The following RBFOX3 variants were observed in gnomAD, a reference collection of about 807,000 sequenced individuals.
RBFOX3 encodes the protein RNA binding fox-1 homolog 3.
Under a neutral mutation model 48.7 loss-of-function variants are expected in RBFOX3, and 17 were observed. The ratio of observed to expected loss-of-function variants is 0.35; its 90% CI spans 0.24 to 0.52. The LOEUF is 0.52. Among genes scored for constraint, RBFOX3 ranks in the 20% least tolerant of loss-of-function variants. RBFOX3 has a pLI of 0.94. For missense variants in RBFOX3, 382 were observed against 497.5 expected (o/e 0.77, Z 2.21); for synonymous variants, 212 against 209.5 (o/e 1.01, Z -0.10).
the RBFOX3 span, among the ~76,000 whole-genome samples, chr17:79,642,037 G>A: frequency 2.6e-5 from 4 of 152,034 alleles, no homozygotes; most frequent in African/African-American, 9.7e-5. Context: ...GAGTTACCCA[G>A]TCTCAGGAAT....
chr17:79,488,709 C>T (rs758953763), intron 1 of RBFOX3, among the ~76,000 whole-genome samples: 6 of 152,254 alleles, frequency 3.9e-5, no homozygotes, highest in Non-Finnish European at 8.8e-5. Flanking sequence ...GGTACACTAG[C>T]AACCCCATCC....
rs1320213164 is a variant in RBFOX3 at position 79,455,248 on chromosome 17, C to T, written c.-175+27206G>A. ...GCAGCCACAAAAGGATCCAAAGACG[C>T]GCAGGCTACCGTGACGGGGGAGCGG... On this transcript the variant is annotated intron_variant, in intron 2 of 14. Coordinates refer to ENST00000693108, the MANE Select transcript of RBFOX3 (RefSeq NM_001350451.2). Among the ~76,000 whole-genome samples the T allele has an allele frequency of 5.3e-5, 8 of 152,172 alleles. No homozygotes were observed. In the East Asian group the frequency reaches 5.8e-4, roughly 11 times the overall value.
At chr17:79,652,582 GAGA>G in the RBFOX3 span, among the ~76,000 whole-genome samples, 1 of 136,668 alleles carries the variant, frequency 7.3e-6, no homozygotes, top group African/African-American at 2.8e-5. Flanking sequence ...GAAAGGAGAG[GAGA>G]GGAGAGGAGA....
the RBFOX3 span, among the ~76,000 whole-genome samples, chr17:79,653,883 CAAAAA>C: frequency 3.0e-5 from 2 of 66,566 alleles, no homozygotes; most frequent in Non-Finnish European, 3.4e-5. Context: ...TCTCTACCAC[CAAAAA>C]AAAAAAAAAA....
In RBFOX3 at chr17:79,328,684, A is replaced by C. The variant is rs553709243; in HGVS notation, c.-174-20860T>G. Reference sequence around the variant, plus strand: ...CTCATGTTCCCAGGCTTTGAGACCCAAGCAAACTGCTGGCAACAGAGCGAT... The same window carrying C: ...CTCATGTTCCCAGGCTTTGAGACCCCAGCAAACTGCTGGCAACAGAGCGAT... On this transcript the variant is annotated intron_variant, in intron 2 of 14. Transcript: ENST00000693108. 2.0e-5 allele frequency among the ~76,000 whole-genome samples: 3 copies of C among 152,254 alleles called. No homozygotes were observed. The South Asian group carries it at 6.2e-4, about 32-fold the overall frequency.
chr17:79,234,148 C>G (rs1171864550), intron 4 of RBFOX3: 5 of 152,258 alleles, frequency 3.3e-5, no homozygotes, highest in Non-Finnish European at 5.9e-5. Context: ...GTACGGGGGA[C>G]CCTGTTACAC....
intron 4 of RBFOX3, among the ~76,000 whole-genome samples, chr17:79,172,293 CA>C (rs1349960211): frequency 2.0e-5 from 3 of 151,520 alleles, no homozygotes; most frequent in African/African-American, 7.3e-5. Context: ...CATTTCAACA[CA>C]AAAAGTAAAC....
chr17:79,175,770 G>T (rs2050394266), intron 4 of RBFOX3, among the ~76,000 whole-genome samples: 1 of 152,260 alleles, frequency 6.6e-6, no homozygotes, highest in African/African-American at 2.4e-5. Flanking sequence ...AGAAAGCCTG[G>T]ATTGGTGGTG....
rs548490104 is a variant in RBFOX3 at position 79,161,587 on chromosome 17, G to A, written c.-33-45839C>T. The stretch of plus-strand genomic sequence containing the variant: ...TTGCTCTTCCGGTTATGGCTCTTCC[G>A]TTTTTTTTTTGTGTGTGTGTTTTTT... On this transcript the variant is annotated intron_variant, in intron 4 of 14. Coordinates refer to ENST00000693108, the MANE Select transcript of RBFOX3 (RefSeq NM_001350451.2). Among the ~76,000 whole-genome samples the A allele has an allele frequency of 5.9e-5, 9 of 152,286 alleles. No individual in the cohort carries two copies. In the South Asian group the frequency reaches 1.0e-3, roughly 18 times the overall value.
chr17:79,585,329 G>A (rs919364307), intron 1 of RBFOX3, among the ~76,000 whole-genome samples: 16 of 152,014 alleles, frequency 1.1e-4, no homozygotes, highest in Non-Finnish European at 7.4e-5. Flanking sequence ...GCTGAGGCGG[G>A]TGCATCACCT....
intron 4 of RBFOX3, among the ~76,000 whole-genome samples, chr17:79,126,405 C>T (rs954501182): frequency 6.6e-6 from 1 of 152,172 alleles, no homozygotes; most frequent in Non-Finnish European, 1.5e-5. Context: ...GGCCCACAGC[C>T]CTCCCGAGAT....
chr17:79,478,739 T>C (rs2078339999), intron 2 of RBFOX3, among the ~76,000 whole-genome samples: 1 of 152,236 alleles, frequency 6.6e-6, no homozygotes, highest in Admixed American at 6.5e-5. Context: ...CTCTTCCCTG[T>C]GGACCTGAAA....
intron 4 of RBFOX3, among the ~76,000 whole-genome samples, chr17:79,202,614 C>G (rs2056929333): frequency 1.3e-5 from 2 of 152,376 alleles, no homozygotes; most frequent in South Asian, 2.1e-4. Context: ...CCCAGATCGC[C>G]TGGCTTGAGC....
At chr17:79,148,750 A>G (rs1255549295) in intron 4 of RBFOX3, among the ~76,000 whole-genome samples, 2 of 152,208 alleles carry the variant, frequency 1.3e-5, no homozygotes, top group Non-Finnish European at 2.9e-5. Context: ...ACAGAGTCTG[A>G]GGACGCAGGG....
intron 1 of RBFOX3, among the ~76,000 whole-genome samples, chr17:79,606,216 G>A (rs2093827248): frequency 6.6e-6 from 1 of 152,176 alleles, no homozygotes; most frequent in Admixed American, 6.5e-5. Flanking sequence ...TGTCTTACAG[G>A]TAAGGGCCAG....
At chr17:79,194,000 A>G (rs2055033840) in intron 4 of RBFOX3, among the ~76,000 whole-genome samples, 1 of 152,222 alleles carries the variant, frequency 6.6e-6, no homozygotes, top group Admixed American at 6.5e-5. Flanking sequence ...GGGAAGGCCC[A>G]CTGTGGTGCA....
At position 79,414,512 on chromosome 17, in the gene RBFOX3, A is replaced by G. The variant is rs532981876; in HGVS notation, c.-175+67942T>C. On this transcript the variant is annotated intron_variant, in intron 2 of 14. Coordinates refer to ENST00000693108, the MANE Select transcript of RBFOX3 (RefSeq NM_001350451.2). ...CCGTGTGTCCAGGCCCCAGGGCGAA[A>G]GCTCCCCGTGAATCCCTTCCACCTC... Among the ~76,000 whole-genome samples the G allele has an allele frequency of 5.3e-4, 80 of 152,228 alleles. 1 individual carries two copies. The Middle Eastern group carries it at 0.01, about 19-fold the overall frequency.
intron 5 of RBFOX3, among the ~76,000 whole-genome samples, chr17:79,107,235 C>T (rs2077555076): frequency 6.6e-6 from 1 of 152,180 alleles, no homozygotes; most frequent in Admixed American, 6.5e-5. Context: ...TCGGCCTGGC[C>T]CGAGGGTCCG....
the RBFOX3 span, among the ~76,000 whole-genome samples, chr17:79,625,921 A>G: frequency 0.96 from 146,352 of 152,314 alleles, 70,553 homozygotes; most frequent in Non-Finnish European, 1. Flanking sequence ...TACCACCAGC[A>G]GAAGCCCCAA....
Sources: allele counts gnomAD v4.1 joint callset (sites outside exome capture counted in the v4.1 genomes callset), GRCh38; gene constraint gnomAD v4.1.1; transcripts MANE v1.5; gene names NCBI Gene and HGNC (gene_info 2026-07-23, HGNC 2026-07-21).